Variants in KIF4B observed in about 807,000 individuals in gnomAD.
The protein encoded by KIF4B is chromosome-associated kinesin KIF4B.
Under a neutral mutation model 69.0 loss-of-function variants are expected in KIF4B, and 60 were observed. The observed-to-expected ratio is 0.87, with a 90% CI of 0.71 to 1.08. The LOEUF is 1.08. Among genes scored for constraint, KIF4B ranks in the 50% least tolerant of loss-of-function variants. KIF4B has a pLI of 0.00. For synonymous variants in KIF4B, 489 were observed against 533.0 expected (o/e 0.92, Z 1.14); for missense variants, 1,357 against 1,451.9 (o/e 0.93, Z 1.06).
rs1289386473 is a variant in KIF4B at position 155,017,513 on chromosome 5, C to G, written c.3654C>G (p.Ser1218Arg). ...PGKKKKRALA[S>R]NTSFFSGCSP... Reference sequence around the variant, plus strand: ...AGAAAAAGAAACGAGCTCTGGCTAGCAACACCAGCTTCTTCTCTGGCTGCT... The same window carrying G: ...AGAAAAAGAAACGAGCTCTGGCTAGGAACACCAGCTTCTTCTCTGGCTGCT... The change falls in exon 1 of 1, where the codon AGC (serine) becomes AGG (arginine). Residue 1218 changes from serine (S) to arginine (R), a missense_variant. Coordinates refer to ENST00000435029, the MANE Select transcript of KIF4B (RefSeq NM_001099293.3). The G allele has an allele frequency of 7.4e-6, 12 of 1,613,786 alleles. No individual in the cohort carries two copies. The highest frequency in any genetic ancestry group is 1.0e-5 in the Non-Finnish European group (12 of 1,179,992).
chr5:155,016,636 A>G lies in KIF4B; in HGVS notation c.2777A>G (p.Gln926Arg). 8.7e-6 allele frequency: 14 copies of G among 1,614,250 alleles called. No homozygotes were observed. Among genetic ancestry groups the G allele is most frequent in the Non-Finnish European group, 1.2e-5 (14 of 1,180,042 alleles). ...GCTGAGCTGGTCAGAATGGAGCAAC[A>G]GCACCAAGAGAAGGTGCTATACCTT... ...LQAELVRMEQ[Q>R]HQEKVLYLVS... Residue 926 changes from glutamine (Q) to arginine (R), a missense_variant, in exon 1 of 1, where the codon CAG becomes CGG. By Grantham distance (43) the Gln-to-Arg change is conservative. Coordinates refer to ENST00000435029, the MANE Select transcript of KIF4B (RefSeq NM_001099293.3).
rs750336187 is a variant in KIF4B at position 155,017,184 on chromosome 5, G to T, written c.3325G>T (p.Gly1109Cys). ...CGCRKQKSDCGVDCSCDPTKC... is the reference protein window; with the variant it reads ...CGCRKQKSDCCVDCSCDPTKC... ...GTGCAGGAAGCAAAAGTCAGACTGT[G>T]GTGTGGACTGTAGCTGTGACCCCAC... The change falls in exon 1 of 1, where the codon GGT (glycine) becomes TGT (cysteine). Residue 1109 changes from glycine (G) to cysteine (C), a missense_variant. By Grantham distance (159) the Gly-to-Cys change is radical. Transcript: ENST00000435029. The T allele has an allele frequency of 6.3e-5, 102 of 1,614,056 alleles. No individual in the cohort carries two copies. Among genetic ancestry groups the T allele is most frequent in the Non-Finnish European group, 8.5e-5 (100 of 1,180,042 alleles).
chr5:155,015,263 C>A lies in KIF4B; in HGVS notation c.1404C>A (p.Asn468Lys), dbSNP rs779403911. ...AAGAAAATGTAGAGATAATTTGTAA[C>A]CTGCAGCAACTGATTACCCAGTTAT... ...ELKENVEIIC[N>K]LQQLITQLSD... The change falls in exon 1 of 1, where the codon AAC (asparagine) becomes AAA (lysine). Residue 468 changes from asparagine (N) to lysine (K), a missense_variant. Transcript: ENST00000435029. 7 of 1,614,178 alleles carry A rather than the reference C, an allele frequency of 4.3e-6. No homozygotes were observed. The Admixed American group carries it at 1.0e-4, about 23-fold the overall frequency.
At position 155,017,493 on chromosome 5, in the gene KIF4B, A is replaced by G. The variant is rs1304870928; in HGVS notation, c.3634A>G (p.Lys1212Glu). ...YQQNKPPGKK[K>E]KRALASNTSF... ...ACAAAATAAGCCTCCAGGGAAGAAA[A>G]AGAAACGAGCTCTGGCTAGCAACAC... The change falls in exon 1 of 1, where the codon AAG becomes GAG. Residue 1212 changes from lysine to glutamate, a missense_variant. Coordinates refer to ENST00000435029, the MANE Select transcript of KIF4B (RefSeq NM_001099293.3). 2 of 1,614,066 alleles carry G rather than the reference A, an allele frequency of 1.2e-6. No homozygotes were observed. Among genetic ancestry groups the G allele is most frequent in the Non-Finnish European group, 1.7e-6 (2 of 1,179,998 alleles).
chr5:155,013,799 CG>C lies in KIF4B; in HGVS notation c.-58del. The C allele has an allele frequency of 6.3e-7, 1 of 1,594,052 alleles. No individual in the cohort carries two copies. The highest frequency in any genetic ancestry group is 1.1e-5 in the South Asian group (1 of 88,084). On this transcript the variant is annotated 5_prime_UTR_variant, in exon 1 of 1. Transcript: ENST00000435029. ...TAAAGCTCCGGCTGGGACAGGGCGGCGGGAGACCCCGGGTGAACGGGGAAGG... is the reference window on the plus strand; with the variant it reads ...TAAAGCTCCGGCTGGGACAGGGCGGCGGAGACCCCGGGTGAACGGGGAAGG...
In KIF4B at chr5:155,017,484, G is replaced by A; in HGVS notation, c.3625G>A (p.Gly1209Arg). Residue 1209 changes from glycine to arginine, a missense_variant, in exon 1 of 1, where the codon GGG becomes AGG. By Grantham distance (125) the Gly-to-Arg change is moderately radical. Coordinates refer to ENST00000435029, the MANE Select transcript of KIF4B (RefSeq NM_001099293.3). ...ATEYQQNKPP[G>R]KKKKRALASN... ...AGAATACCAACAAAATAAGCCTCCA[G>A]GGAAGAAAAAGAAACGAGCTCTGGC... The A allele has an allele frequency of 6.2e-7, 1 of 1,614,068 alleles. No individual in the cohort carries two copies. Among genetic ancestry groups the A allele is most frequent in the Non-Finnish European group, 8.5e-7 (1 of 1,180,008 alleles).
chr5:155,015,641 G>A lies in KIF4B; in HGVS notation c.1782G>A (p.Leu594=), dbSNP rs745563574. The change falls in exon 1 of 1, where the codon CTG becomes CTA. Residue 594 remains leucine, a synonymous_variant. Transcript: ENST00000435029. ...AGAAGAATGTCAACCAAGCCAAGCT[G>A]AGTGAGCACCGCCACAAACTTCTCC... ...TAKKNVNQAK[L]SEHRHKLLQE... 10 of 1,614,094 alleles carry A rather than the reference G, an allele frequency of 6.2e-6. No individual in the cohort carries two copies. Among genetic ancestry groups the A allele is most frequent in the Non-Finnish European group, 7.6e-6 (9 of 1,180,050 alleles).
chr5:155,016,688 G>C lies in KIF4B; in HGVS notation c.2829G>C (p.Met943Ile). 2 of 1,614,214 alleles carry C rather than the reference G, an allele frequency of 1.2e-6. No homozygotes were observed. ...YLVSQLQESQ[M>I]AEKQLEKSAS... The stretch of plus-strand genomic sequence containing the variant: ...TCAGCCAGCTGCAGGAAAGCCAAAT[G>C]GCAGAGAAGCAGTTAGAGAAATCAG... The change falls in exon 1 of 1, where the codon ATG becomes ATC. Residue 943 changes from methionine (M) to isoleucine (I), a missense_variant. Met to Ile is a conservative substitution (Grantham distance 10). Coordinates refer to ENST00000435029, the MANE Select transcript of KIF4B (RefSeq NM_001099293.3).
rs575864472 is a variant in KIF4B at position 155,016,667 on chromosome 5, C to T, written c.2808C>T (p.Ser936=). The T allele has an allele frequency of 6.2e-7, 1 of 1,614,176 alleles. No homozygotes were observed. Among genetic ancestry groups the T allele is most frequent in the South Asian group, 1.1e-5 (1 of 91,076 alleles). Residue 936 remains serine, a synonymous_variant, in exon 1 of 1, where the codon AGC becomes AGT. Coordinates refer to ENST00000435029, the MANE Select transcript of KIF4B (RefSeq NM_001099293.3). ...QHQEKVLYLV[S]QLQESQMAEK... is the part of the protein sequence containing the mutation. The stretch of plus-strand genomic sequence containing the variant: ...AAGAGAAGGTGCTATACCTTGTCAG[C>T]CAGCTGCAGGAAAGCCAAATGGCAG...
rs199985535 is a variant in KIF4B at position 155,014,116 on chromosome 5, C to A, written c.257C>A (p.Ala86Asp). The A allele has an allele frequency of 8.1e-6, 13 of 1,614,218 alleles. No individual in the cohort carries two copies. The Admixed American group carries it at 2.0e-4, about 25-fold the overall frequency. ...IFKGYNATVLAYGQTGSGKTY... is the reference protein window; with the variant it reads ...IFKGYNATVLDYGQTGSGKTY... ...AAAGGATATAATGCAACGGTCCTGGCCTATGGGCAGACTGGCTCTGGAAAA... is the reference window on the plus strand; with the variant it reads ...AAAGGATATAATGCAACGGTCCTGGACTATGGGCAGACTGGCTCTGGAAAA... Residue 86 changes from alanine (A) to aspartate (D), a missense_variant, in exon 1 of 1, where the codon GCC (alanine) becomes GAC (aspartate). By Grantham distance (126) the Ala-to-Asp change is moderately radical. Transcript: ENST00000435029.
rs1162479761 is a variant in KIF4B at position 155,013,806 on chromosome 5, C to T, written c.-54C>T. The T allele has an allele frequency of 1.9e-6, 3 of 1,599,600 alleles. No individual in the cohort carries two copies. The African/African-American group carries it at 4.0e-5, about 21-fold the overall frequency. On this transcript the variant is annotated 5_prime_UTR_variant, in exon 1 of 1. Coordinates refer to ENST00000435029, the MANE Select transcript of KIF4B (RefSeq NM_001099293.3). Reference sequence around the variant, plus strand: ...CCGGCTGGGACAGGGCGGCGGGAGACCCCGGGTGAACGGGGAAGGGACATT... The same window carrying T: ...CCGGCTGGGACAGGGCGGCGGGAGATCCCGGGTGAACGGGGAAGGGACATT...
At position 155,016,575 on chromosome 5, in the gene KIF4B, C is replaced by A. The variant is rs374500958; in HGVS notation, c.2716C>A (p.Gln906Lys). 41 of 1,614,068 alleles carry A rather than the reference C, an allele frequency of 2.5e-5. No individual in the cohort carries two copies. The African/African-American group carries it at 4.1e-4, about 16-fold the overall frequency. The change falls in exon 1 of 1, where the codon CAA becomes AAA. Residue 906 changes from glutamine (Q) to lysine (K), a missense_variant. By Grantham distance (53) the Gln-to-Lys change is moderately conservative. Coordinates refer to ENST00000435029, the MANE Select transcript of KIF4B (RefSeq NM_001099293.3). ...CATGCAGAAGATGCTATTTGAGGAA[C>A]AAAATCATTTTTCTGAGATAGAGAC... ...ADMQKMLFEE[Q>K]NHFSEIETEL...
rs1765278013 is a variant in KIF4B at position 155,014,011 on chromosome 5, A to G, written c.152A>G (p.Tyr51Cys). 1 of 1,614,168 alleles carries G rather than the reference A, an allele frequency of 6.2e-7. No individual in the cohort carries two copies. The highest frequency in any genetic ancestry group is 8.5e-7 in the Non-Finnish European group (1 of 1,180,030). The change falls in exon 1 of 1, where the codon TAC becomes TGC. Residue 51 changes from tyrosine to cysteine, a missense_variant. Coordinates refer to ENST00000435029, the MANE Select transcript of KIF4B (RefSeq NM_001099293.3). ...GTTGGTACTGATAAATCCTTCACCT[A>G]CGATTTTGTGTTTGACCCCTGTACT... ...VVVGTDKSFTYDFVFDPCTEQ... is the reference protein window; with the variant it reads ...VVVGTDKSFTCDFVFDPCTEQ...
rs758713344 is a variant in KIF4B, at chr5:155,014,653, G to A, written c.794G>A (p.Arg265Gln). The change falls in exon 1 of 1, where the codon CGA (arginine) becomes CAA (glutamine). Residue 265 changes from arginine (R) to glutamine (Q), a missense_variant. Coordinates refer to ENST00000435029, the MANE Select transcript of KIF4B (RefSeq NM_001099293.3). Reference sequence around the variant, plus strand: ...CTAAAAGAGGGTATTAATATTAACCGAGGCCTCCTATGCTTGGGAAATGTA... The same window carrying A: ...CTAAAAGAGGGTATTAATATTAACCAAGGCCTCCTATGCTTGGGAAATGTA... ...DRLKEGININRGLLCLGNVIS... is the reference protein window; with the variant it reads ...DRLKEGININQGLLCLGNVIS... The A allele has an allele frequency of 8.7e-6, 14 of 1,614,006 alleles. No individual in the cohort carries two copies. The highest frequency in any genetic ancestry group is 2.7e-5 in the African/African-American group (2 of 74,898).
chr5:155,016,531 G>T lies in KIF4B; in HGVS notation c.2672G>T (p.Ser891Ile). 3.7e-6 allele frequency: 6 copies of T among 1,614,208 alleles called. No individual in the cohort carries two copies. Among genetic ancestry groups the T allele is most frequent in the Non-Finnish European group, 5.1e-6 (6 of 1,180,044 alleles). ...AAACTTGAAAACAGCCTGAGACAGA[G>T]CAAGGCCAGCTGTGCTGACATGCAG... ...VTKLENSLRQ[S>I]KASCADMQKM... is the part of the protein sequence containing the mutation. The change falls in exon 1 of 1, where the codon AGC (serine) becomes ATC (isoleucine). Residue 891 changes from serine (S) to isoleucine (I), a missense_variant. By Grantham distance (142) the Ser-to-Ile change is moderately radical (BLOSUM62 -2). Transcript: ENST00000435029.
rs893265672 is a variant in KIF4B, at chr5:155,017,004, G to A, written c.3145G>A (p.Glu1049Lys). The change falls in exon 1 of 1, where the codon GAG becomes AAG. Residue 1049 changes from glutamate to lysine, a missense_variant. Glu to Lys is a moderately conservative substitution (Grantham distance 56). Transcript: ENST00000435029. ...MDIEDLKYCSEHSVNEHEDGD... is the reference protein window; with the variant it reads ...MDIEDLKYCSKHSVNEHEDGD... ...CATCGAGGATCTAAAATATTGTTCA[G>A]AGCATTCTGTGAATGAGCATGAAGA... 26 of 1,614,100 alleles carry A rather than the reference G, an allele frequency of 1.6e-5. No homozygotes were observed. Among genetic ancestry groups the A allele is most frequent in the Non-Finnish European group, 2.1e-5 (25 of 1,180,050 alleles).
At position 155,016,258 on chromosome 5, in the gene KIF4B, T is replaced by A; in HGVS notation, c.2399T>A (p.Phe800Tyr). Reference protein sequence around the residue: ...NPPPKLRKCTFSLSEVHGQVL... With the variant: ...NPPPKLRKCTYSLSEVHGQVL... ...CCTCCTAAACTCCGGAAGTGTACAT[T>A]CTCCCTTTCTGAGGTGCATGGTCAA... The change falls in exon 1 of 1, where the codon TTC becomes TAC. Residue 800 changes from phenylalanine (F) to tyrosine (Y), a missense_variant. Transcript: ENST00000435029. 6.2e-7 allele frequency: 1 copy of A among 1,614,144 alleles called. No homozygotes were observed. Among genetic ancestry groups the A allele is most frequent in the Non-Finnish European group, 8.5e-7 (1 of 1,180,008 alleles).
chr5:155,016,603 AG>A lies in KIF4B; in HGVS notation c.2745del (p.Glu915AspfsTer34), dbSNP rs1366873337. 1 of 1,614,222 alleles carries A rather than the reference AG, an allele frequency of 6.2e-7. No individual in the cohort carries two copies. Among genetic ancestry groups the A allele is most frequent in the Non-Finnish European group, 8.5e-7 (1 of 1,180,032 alleles). On this transcript the variant is annotated frameshift_variant, in exon 1 of 1. Coordinates refer to ENST00000435029, the MANE Select transcript of KIF4B (RefSeq NM_001099293.3). LOFTEE classifies it low-confidence loss of function (END_TRUNC). ...EQNHFSEIETELQAELVRMEQ... is the reference protein window; with the variant it reads ...EQNHFSEIETXLQAELVRMEQ... ...AATCATTTTTCTGAGATAGAGACAG[AG>A]TTACAAGCTGAGCTGGTCAGAATGG...
rs1765298792 is a variant in KIF4B at position 155,014,978 on chromosome 5, G to A, written c.1119G>A (p.Leu373=). 3 of 1,614,074 alleles carry A rather than the reference G, an allele frequency of 1.9e-6. No homozygotes were observed. In the South Asian group the frequency reaches 3.3e-5, roughly 18 times the overall value. The change falls in exon 1 of 1, where the codon CTG becomes CTA. Residue 373 remains leucine (L), a synonymous_variant. Transcript: ENST00000435029. The part of the protein sequence containing the change: ...VLLLQAHGGT[L]PGSINAEPSE... ...TGCTACAAGCCCATGGAGGTACCCTGCCTGGATCTATAAATGCAGAACCAT... is the reference window on the plus strand; with the variant it reads ...TGCTACAAGCCCATGGAGGTACCCTACCTGGATCTATAAATGCAGAACCAT...
Sources: allele counts gnomAD v4.1 joint callset, GRCh38; gene constraint gnomAD v4.1.1; transcripts MANE v1.5; gene names NCBI Gene and HGNC (gene_info 2026-07-23, HGNC 2026-07-21).